OSBP2: variants seen among roughly 807,000 people sequenced by gnomAD.
OSBP2 encodes the protein oxysterol binding protein 2, also known as oxysterol-binding protein 2.
OSBP2 carries 66 observed loss-of-function variants against 96.0 expected under a neutral mutation model. The ratio of observed to expected loss-of-function variants is 0.69; its 90% CI spans 0.56 to 0.84. OSBP2 has a LOEUF of 0.84. Ranked by LOEUF, OSBP2 falls within the 40% of genes least tolerant of loss-of-function variation. The probability of loss-of-function intolerance (pLI) is 0.00; values close to 1 mark genes in which losing one functional copy is unlikely to be tolerated. For missense variants in OSBP2, 1,038 were observed against 1,222.7 expected (o/e 0.85, Z 2.25); for synonymous variants, 525 against 520.9 (o/e 1.01, Z -0.11).
At chr22:30,700,496 A>G (rs975941048) in intron 1 of OSBP2, among the ~76,000 whole-genome samples, 1 of 152,158 alleles carries the variant, frequency 6.6e-6, no homozygotes, top group East Asian at 1.9e-4. Flanking sequence ...ATGTATTGTC[A>G]TCAGCAAGTT....
Position 30,888,272 on chromosome 22 carries a change from C to G in OSBP2, c.1350C>G (p.Thr450=), listed in dbSNP as rs1427999788. 2 of 1,613,738 alleles carry G rather than the reference C, an allele frequency of 1.2e-6. No homozygotes were observed. The highest frequency in any genetic ancestry group is 1.7e-6 in the Non-Finnish European group (2 of 1,179,702). Residue 450 remains threonine (T), a synonymous_variant, in exon 5 of 14, where the codon ACC becomes ACG. Coordinates refer to ENST00000332585, the MANE Select transcript of OSBP2 (RefSeq NM_030758.4). ...AGGACAGTGAGGAAGATGAAGATAC[C>G]GAGTACTTTGATGCCATGGAAGACT... The part of the protein sequence containing the change: ...KGEDSEEDED[T]EYFDAMEDST...
chr22:30,769,339 TAAC>T (rs766142472), intron 2 of OSBP2, among the ~76,000 whole-genome samples: 2 of 152,062 alleles, frequency 1.3e-5, no homozygotes, highest in African/African-American at 2.4e-5. Context: ...TGAGGGTAAA[TAAC>T]AACAACAATA....
intron 2 of OSBP2, among the ~76,000 whole-genome samples, chr22:30,857,619 G>A (rs2039105434): frequency 6.6e-6 from 1 of 152,220 alleles, no homozygotes; most frequent in South Asian, 2.1e-4. Context: ...GCCAATGCTT[G>A]TAGCCTCCTC....
At chr22:30,858,654 A>C (rs1332050989) in intron 2 of OSBP2, among the ~76,000 whole-genome samples, 1 of 151,204 alleles carries the variant, frequency 6.6e-6, no homozygotes, top group Non-Finnish European at 1.5e-5. Context: ...TGAGGCGGGC[A>C]AATCACCTGA....
At chr22:30,727,921 A>G (rs939680748) in intron 1 of OSBP2, among the ~76,000 whole-genome samples, 5 of 151,622 alleles carry the variant, frequency 3.3e-5, no homozygotes, top group African/African-American at 9.7e-5. Flanking sequence ...CCTGGCCAAC[A>G]TGGTGAAACC....
chr22:30,809,081 C>T (rs1000514732), intron 2 of OSBP2, among the ~76,000 whole-genome samples: 1 of 152,194 alleles, frequency 6.6e-6, no homozygotes, highest in Non-Finnish European at 1.5e-5. Context: ...CCAAGGAACA[C>T]CTGAGGCTAC....
At chr22:30,858,336 C>T (rs1258179510) in intron 2 of OSBP2, among the ~76,000 whole-genome samples, 4 of 150,244 alleles carry the variant, frequency 2.7e-5, no homozygotes, top group African/African-American at 4.9e-5. Context: ...TTAGTAGAGA[C>T]GGGGTTTCAC....
intron 2 of OSBP2, among the ~76,000 whole-genome samples, chr22:30,742,247 A>G (rs1388204011): frequency 1.3e-5 from 2 of 151,880 alleles, no homozygotes; most frequent in Admixed American, 6.6e-5. Flanking sequence ...CCTAGCCAAC[A>G]TGGTGAAAAC....
intron 2 of OSBP2, among the ~76,000 whole-genome samples, chr22:30,835,139 A>G (rs1258063694): frequency 1.3e-5 from 2 of 152,038 alleles, no homozygotes; most frequent in Non-Finnish European, 2.9e-5. Context: ...TTGCAGCACA[A>G]AATTTTTAAT....
At chr22:30,737,929 G>A (rs1001116994) in intron 1 of OSBP2, among the ~76,000 whole-genome samples, 1 of 151,896 alleles carries the variant, frequency 6.6e-6, no homozygotes, top group Non-Finnish European at 1.5e-5. Context: ...GGCCAGGCTG[G>A]TCTCAAACTC....
intron 4 of OSBP2, 59 bp downstream of exon 4, chr22:30,887,677 C>A: frequency 1.4e-6 from 2 of 1,420,868 alleles, no homozygotes; most frequent in Non-Finnish European, 9.5e-7. Flanking sequence ...GCTCTGCATA[C>A]ACAACTTCTG....
At chr22:30,799,266 C>A (rs1366753047) in intron 2 of OSBP2, among the ~76,000 whole-genome samples, 1 of 152,052 alleles carries the variant, frequency 6.6e-6, no homozygotes, top group Non-Finnish European at 1.5e-5. Flanking sequence ...CCCACCACCA[C>A]ACCCAGCTAA....
intron 1 of OSBP2, among the ~76,000 whole-genome samples, chr22:30,721,443 C>T (rs8143079): frequency 0.049 from 7,445 of 152,184 alleles, 616 homozygotes; most frequent in African/African-American, 0.17. Flanking sequence ...GTGAATGCTG[C>T]GCTGACTGAA....
At chr22:30,860,857 A>C (rs1282477847) in intron 2 of OSBP2, among the ~76,000 whole-genome samples, 1 of 152,196 alleles carries the variant, frequency 6.6e-6, no homozygotes, top group East Asian at 1.9e-4. Flanking sequence ...AGCAGGCACC[A>C]CTATTTTGTG....
chr22:30,855,596 A>T (rs2039063753), intron 2 of OSBP2, among the ~76,000 whole-genome samples: 1 of 152,222 alleles, frequency 6.6e-6, no homozygotes, highest in Non-Finnish European at 1.5e-5. Context: ...CAAGGCCCCA[A>T]GGCCCTCTGG....
intron 2 of OSBP2, among the ~76,000 whole-genome samples, chr22:30,846,886 A>G (rs1430105125): frequency 6.6e-6 from 1 of 151,956 alleles, no homozygotes; most frequent in Admixed American, 6.6e-5. Context: ...TTCATGCGGT[A>G]TATTGGTCTG....
chr22:30,793,627 A>C (rs1187649639), intron 2 of OSBP2, among the ~76,000 whole-genome samples: 1 of 152,178 alleles, frequency 6.6e-6, no homozygotes, highest in Non-Finnish European at 1.5e-5. Context: ...CTCTGCAAAA[A>C]AATACAAAAA....
intron 1 of OSBP2, among the ~76,000 whole-genome samples, chr22:30,719,261 C>T (rs189196837): frequency 6.6e-6 from 1 of 152,168 alleles, no homozygotes; most frequent in Middle Eastern, 3.4e-3. Flanking sequence ...TGTGCATGTG[C>T]AGCTGTGTGG....
chr22:30,796,303 G>A (rs2090760460), intron 2 of OSBP2, among the ~76,000 whole-genome samples: 1 of 152,110 alleles, frequency 6.6e-6, no homozygotes, highest in South Asian at 2.1e-4. Flanking sequence ...ACACAAGGAT[G>A]ATGCTCAGGG....
Sources: allele counts gnomAD v4.1 joint callset (sites outside exome capture counted in the v4.1 genomes callset), GRCh38; gene constraint gnomAD v4.1.1; transcripts MANE v1.5; gene names NCBI Gene and HGNC (gene_info 2026-07-23, HGNC 2026-07-21).